The following ELF2 variants were observed in gnomAD, a reference collection of about 807,000 sequenced individuals.
ELF2 encodes the protein ETS-related transcription factor Elf-2.
In ELF2, 11 loss-of-function variants were observed where a neutral mutation model predicts 54.8. That is an observed-to-expected ratio of 0.20 (90% confidence interval 0.13 to 0.33). The LOEUF is 0.33. ELF2 is among the 10% of genes least tolerant of loss of function. ELF2 has a pLI of 1.00. For missense variants in ELF2, 513 were observed against 703.0 expected, an observed-to-expected ratio of 0.73 and a Z score of 3.06; for synonymous variants, 203 against 245.1, an observed-to-expected ratio of 0.83 and a Z score of 1.61.
At chr4:139,141,895 C>T (rs1738742342) in intron 1 of ELF2, among the ~76,000 whole-genome samples, 1 of 152,184 alleles carries the variant, frequency 6.6e-6, no homozygotes, top group South Asian at 2.1e-4. Flanking sequence ...TGTTTTATTG[C>T]CTCTACTTCA....
chr4:139,060,524 T>C lies in ELF2; in HGVS notation c.957A>G (p.Ser319=), dbSNP rs757983687. The C allele has an allele frequency of 1.0e-4, 164 of 1,614,142 alleles. No individual in the cohort carries two copies. In the Admixed American group the frequency reaches 2.7e-3, roughly 27 times the overall value. ...EDLAGTTDEK[S]LERVSLSAES... is the part of the protein sequence containing the mutation. ...CTGCAGACAGTGACACTCGTTCTAA[T>C]GATTTTTCATCAGTAGTTCCTGCTA... is the stretch of plus-strand genomic sequence containing the variant. Residue 319 remains serine (S), a synonymous_variant, in exon 9 of 10, where the codon TCA becomes TCG. Transcript: ENST00000686138.
In ELF2 at chr4:139,071,573, T is replaced by C. The variant is rs72947695; in HGVS notation, c.526+293A>G. ...CATAAAAGGATCAACAAGGAGAAGA[T>C]GGAGTAAGACAAGGTGCAGGGAATC... On this transcript the variant is annotated intron_variant, in intron 6 of 9. Transcript: ENST00000686138. Among the ~76,000 whole-genome samples, 1,117 of 152,174 alleles carry C rather than the reference T, an allele frequency of 7.3e-3. 20 individuals are homozygous for C. The highest frequency in any genetic ancestry group is 0.025 in the African/African-American group (1,055 of 41,522).
At chr4:139,154,483 A>C (rs528747949) in intron 1 of ELF2, among the ~76,000 whole-genome samples, 3 of 152,188 alleles carry the variant, frequency 2.0e-5, no homozygotes, top group African/African-American at 7.2e-5. Flanking sequence ...CAGGACCTCC[A>C]AATCACTAAG....
At chr4:139,115,139 G>A (rs1578837475) in intron 4 of ELF2, 1 of 1,613,488 alleles carries the variant, frequency 6.2e-7, no homozygotes, top group South Asian at 1.1e-5. Context: ...AGGCGCGTGA[G>A]CTGCTCCAGG....
chr4:139,171,436 C>T (rs113337150), intron 1 of ELF2, among the ~76,000 whole-genome samples: 3,003 of 151,952 alleles, frequency 0.02, 38 homozygotes, highest in African/African-American at 0.039. Flanking sequence ...TATTAATATC[C>T]TACTGCTCAA....
At chr4:139,115,261 C>G in intron 4 of ELF2, 1 of 1,605,748 alleles carries the variant, frequency 6.2e-7, no homozygotes. Flanking sequence ...CGGGCCCTCT[C>G]CTGCGGTCCC....
chr4:139,108,572 G>A (rs1463853487), intron 4 of ELF2, among the ~76,000 whole-genome samples: 1 of 151,550 alleles, frequency 6.6e-6, no homozygotes, highest in African/African-American at 2.4e-5. Context: ...TGAAGAGGTG[G>A]ACTAGATTAC....
intron 4 of ELF2, among the ~76,000 whole-genome samples, chr4:139,096,253 T>C (rs985031814): frequency 6.6e-6 from 1 of 152,256 alleles, no homozygotes; most frequent in Non-Finnish European, 1.5e-5. Context: ...CCTCTTTTAC[T>C]ATTCTTTTGT....
At chr4:139,146,780 C>A (rs1001399975) in intron 1 of ELF2, among the ~76,000 whole-genome samples, 1 of 152,064 alleles carries the variant, frequency 6.6e-6, no homozygotes, top group African/African-American at 2.4e-5. Flanking sequence ...GAAAGGACAC[C>A]CTATTTATTT....
chr4:139,166,491 G>A (rs1462102772), intron 1 of ELF2, among the ~76,000 whole-genome samples: 1 of 152,180 alleles, frequency 6.6e-6, no homozygotes, highest in African/African-American at 2.4e-5. Flanking sequence ...ATAACTTTAA[G>A]CTCAATGGAC....
intron 4 of ELF2, among the ~76,000 whole-genome samples, chr4:139,080,194 C>A (rs1364811884): frequency 1.3e-5 from 2 of 152,190 alleles, no homozygotes; most frequent in Non-Finnish European, 2.9e-5. Context: ...TATTTACACA[C>A]TGACTGATGT....
Position 139,058,709 on chromosome 4 carries a change from T to C in ELF2, c.*274A>G, listed in dbSNP as rs1247337278. ...CAAGTCTTAGTGTAACTTGATATCG[T>C]AGTGAGCTGCTTGGTCCCTTTCGAT... is the stretch of plus-strand genomic sequence containing the variant. On this transcript the variant is annotated 3_prime_UTR_variant, in exon 10 of 10. Coordinates refer to ENST00000686138, the MANE Select transcript of ELF2 (RefSeq NM_001331036.3). The C allele has an allele frequency of 2.3e-5, 8 of 349,248 alleles. No individual in the cohort carries two copies. Among genetic ancestry groups the C allele is most frequent in the Admixed American group, 4.5e-5 (1 of 22,438 alleles). 21.6% of individuals were successfully genotyped at this position (349,248 alleles called of 1,614,324 possible).
Position 139,060,461 on chromosome 4 carries a change from T to C in ELF2, c.1020A>G (p.Gly340=), listed in dbSNP as rs771205943. 6.2e-7 allele frequency: 1 copy of C among 1,614,208 alleles called. No homozygotes were observed. Among genetic ancestry groups the C allele is most frequent in the Non-Finnish European group, 8.5e-7 (1 of 1,180,044 alleles). Residue 340 remains glycine, a synonymous_variant, in exon 9 of 10, where the codon GGA becomes GGG. Coordinates refer to ENST00000686138, the MANE Select transcript of ELF2 (RefSeq NM_001331036.3). The part of the protein sequence containing the change: ...LLKAASSVRS[G]KNSSPINCSR... ...AGCAGTTTATAGGGGATGAATTTTT[T>C]CCACTGCGAACAGAGGATGCTGCTT...
At chr4:139,114,119 A>G in intron 4 of ELF2, among the ~76,000 whole-genome samples, 1 of 152,226 alleles carries the variant, frequency 6.6e-6, no homozygotes, top group Non-Finnish European at 1.5e-5. Flanking sequence ...GTGATATTCA[A>G]TTAGGATAAC....
intron 1 of ELF2, among the ~76,000 whole-genome samples, chr4:139,171,483 T>C (rs995940568): frequency 6.6e-6 from 1 of 151,838 alleles, no homozygotes; most frequent in South Asian, 2.1e-4. Context: ...CAAAAAAAAA[T>C]TGCAACTTCG....
At chr4:139,170,298 T>C (rs989241665) in intron 1 of ELF2, among the ~76,000 whole-genome samples, 18 of 141,604 alleles carry the variant, frequency 1.3e-4, no homozygotes, top group Non-Finnish European at 2.4e-4. Flanking sequence ...AGAGTCTCGC[T>C]CTGTTGCCCA....
intron 4 of ELF2, among the ~76,000 whole-genome samples, chr4:139,075,044 C>T (rs993794051): frequency 2.6e-5 from 4 of 152,230 alleles, no homozygotes; most frequent in Admixed American, 2.0e-4. Flanking sequence ...ATTAACCTCG[C>T]TCTCTTCAGA....
At chr4:139,080,742 ATT>A in intron 4 of ELF2, among the ~76,000 whole-genome samples, 1 of 152,116 alleles carries the variant, frequency 6.6e-6, no homozygotes, top group Non-Finnish European at 1.5e-5. Context: ...AATGCTAGAC[ATT>A]TGTTTTTCCT....
intron 1 of ELF2, among the ~76,000 whole-genome samples, chr4:139,149,075 T>C (rs554729880): frequency 2.2e-4 from 34 of 152,104 alleles, no homozygotes; most frequent in Non-Finnish European, 3.7e-4. Flanking sequence ...TACCTACAAT[T>C]ACCACCTTAA....
Sources: gnomAD v4.1 joint callset for allele counts (sites outside exome capture counted in the v4.1 genomes callset) on GRCh38, gnomAD v4.1.1 for gene constraint, MANE v1.5 for transcripts, NCBI Gene and HGNC (gene_info 2026-07-23, HGNC 2026-07-21) for gene names.